Variants in B3GALT1 observed in about 807,000 individuals in gnomAD.
B3GALT1 encodes the protein beta-1,3-galactosyltransferase 1.
In B3GALT1, 10 loss-of-function variants were observed where a neutral mutation model predicts 23.2. The ratio of observed to expected loss-of-function variants is 0.43; its 90% confidence interval spans 0.27 to 0.73. The LOEUF is 0.73. B3GALT1 is among the 30% of genes least tolerant of loss of function. B3GALT1 has a pLI of 0.21. For missense variants in B3GALT1, 299 were observed against 405.4 expected (o/e 0.74, Z 2.25); for synonymous variants, 156 against 141.5 (o/e 1.10, Z -0.73).
intron 3 of B3GALT1, among the ~76,000 whole-genome samples, 121 bp downstream of exon 3, chr2:167,647,087 G>T (rs1033519770): frequency 2.6e-5 from 4 of 152,086 alleles, no homozygotes; most frequent in African/African-American, 9.7e-5. Context: ...GAAATCACCT[G>T]CAAGAAAAGC....
chr2:167,859,514 C>T (rs1690059066), intron 4 of B3GALT1, among the ~76,000 whole-genome samples: 1 of 152,160 alleles, frequency 6.6e-6, no homozygotes, highest in Non-Finnish European at 1.5e-5. Flanking sequence ...ACATCCTCAT[C>T]CCAACCACTC....
intron 2 of B3GALT1, among the ~76,000 whole-genome samples, chr2:167,643,974 A>G (rs968684509): frequency 3.9e-5 from 6 of 152,162 alleles, no homozygotes; most frequent in African/African-American, 1.2e-4. Context: ...GACAGTGTCA[A>G]TGTCTGTAAA....
At chr2:167,683,093 G>T (rs1281367015) in intron 3 of B3GALT1, among the ~76,000 whole-genome samples, 2 of 151,998 alleles carry the variant, frequency 1.3e-5, no homozygotes, top group African/African-American at 2.4e-5. Flanking sequence ...AAAAACAATG[G>T]GCTTGCTTTT....
intron 1 of B3GALT1, among the ~76,000 whole-genome samples, chr2:167,442,556 T>G (rs562724599): frequency 6.6e-6 from 1 of 151,878 alleles, no homozygotes; most frequent in South Asian, 2.1e-4. Flanking sequence ...TCCTGACTTT[T>G]GAATGATTGC....
chr2:167,693,223 A>G (rs911997254), intron 3 of B3GALT1, among the ~76,000 whole-genome samples: 7 of 152,032 alleles, frequency 4.6e-5, no homozygotes, highest in Non-Finnish European at 8.8e-5. Context: ...CTTTTTGAAG[A>G]GCCACACTTG....
In B3GALT1 at chr2:167,867,118, G is replaced by A. The variant is rs574851953; in HGVS notation, c.-229-1693G>A. 2.0e-5 allele frequency among the ~76,000 whole-genome samples: 3 copies of A among 152,172 alleles called. No individual in the cohort carries two copies. In the East Asian group the frequency reaches 5.8e-4, roughly 29 times the overall value. ...ATTTTTTGTATTTTTAGTAGAGACG[G>A]GGTTTCACCGTTTTAGCCAGGATGG... On this transcript the variant is annotated intron_variant, in intron 4 of 4. Coordinates refer to ENST00000392690, the MANE Select transcript of B3GALT1 (RefSeq NM_020981.4).
chr2:167,850,905 A>C (rs928937596), intron 4 of B3GALT1, among the ~76,000 whole-genome samples: 2 of 152,186 alleles, frequency 1.3e-5, no homozygotes, highest in Non-Finnish European at 2.9e-5. Context: ...AATCTCACAA[A>C]TCACCACTAA....
intron 3 of B3GALT1, among the ~76,000 whole-genome samples, chr2:167,731,037 G>A (rs777294571): frequency 2.0e-5 from 3 of 152,242 alleles, no homozygotes; most frequent in African/African-American, 7.2e-5. Context: ...AAGCTAGTAA[G>A]TGGTGCAGTA....
chr2:167,552,045 T>C (rs1269550632), intron 2 of B3GALT1, among the ~76,000 whole-genome samples: 1 of 152,214 alleles, frequency 6.6e-6, no homozygotes, highest in Non-Finnish European at 1.5e-5. Context: ...TTCTTAGAGC[T>C]TTATTCTCAT....
At chr2:167,306,541 A>C (rs1696554935) in intron 1 of B3GALT1, among the ~76,000 whole-genome samples, 1 of 152,012 alleles carries the variant, frequency 6.6e-6, no homozygotes, top group Non-Finnish European at 1.5e-5. Flanking sequence ...ACTGAATATT[A>C]GTCATGGTTT....
chr2:167,741,653 TC>T (rs1256833572), intron 3 of B3GALT1, among the ~76,000 whole-genome samples: 2 of 152,094 alleles, frequency 1.3e-5, no homozygotes, highest in Non-Finnish European at 2.9e-5. Context: ...TCCCTTCAGG[TC>T]CCCAGCCCTT....
chr2:167,598,536 A>T (rs1205799712), intron 2 of B3GALT1, among the ~76,000 whole-genome samples: 1 of 152,144 alleles, frequency 6.6e-6, no homozygotes, highest in Non-Finnish European at 1.5e-5. Context: ...ATCCCAGAAA[A>T]ACCTCAAAAG....
chr2:167,693,075 C>A (rs890752604), intron 3 of B3GALT1, among the ~76,000 whole-genome samples: 8 of 151,980 alleles, frequency 5.3e-5, no homozygotes, highest in Middle Eastern at 3.4e-3. Context: ...ATTGAATCTT[C>A]TGGGGCTCTC....
intron 3 of B3GALT1, among the ~76,000 whole-genome samples, chr2:167,749,068 C>T (rs572686868): frequency 6.6e-6 from 1 of 152,294 alleles, no homozygotes; most frequent in East Asian, 1.9e-4. Context: ...TTTTGTGAGG[C>T]TGGCCAAGGG....
chr2:167,443,712 G>A (rs188642475), intron 1 of B3GALT1, among the ~76,000 whole-genome samples: 256 of 152,278 alleles, frequency 1.7e-3, no homozygotes, highest in Middle Eastern at 3.4e-3. Context: ...TTTGCACATT[G>A]ATTTTGTATC....
intron 3 of B3GALT1, among the ~76,000 whole-genome samples, chr2:167,676,792 C>A (rs1459881109): frequency 1.3e-5 from 2 of 152,098 alleles, no homozygotes; most frequent in Admixed American, 1.3e-4. Flanking sequence ...CTGCCTAGGC[C>A]TGTGAAAGTG....
intron 1 of B3GALT1, among the ~76,000 whole-genome samples, chr2:167,483,784 A>G (rs1246842483): frequency 6.6e-6 from 1 of 152,212 alleles, no homozygotes; most frequent in Non-Finnish European, 1.5e-5. Flanking sequence ...TATGTTAAAT[A>G]TATGTTAAAT....
intron 3 of B3GALT1, among the ~76,000 whole-genome samples, chr2:167,731,748 C>T (rs956240874): frequency 6.6e-6 from 1 of 152,146 alleles, no homozygotes; most frequent in Non-Finnish European, 1.5e-5. Flanking sequence ...GCAAGGCAGC[C>T]TCTGTTTCCT....
intron 2 of B3GALT1, among the ~76,000 whole-genome samples, chr2:167,531,086 T>G (rs1448408273): frequency 6.6e-6 from 1 of 152,242 alleles, no homozygotes; most frequent in Non-Finnish European, 1.5e-5. Context: ...AAATACTGTT[T>G]CATTCTCCTA....
Sources: allele counts gnomAD v4.1 joint callset (sites outside exome capture counted in the v4.1 genomes callset), GRCh38; gene constraint gnomAD v4.1.1; transcripts MANE v1.5; gene names NCBI Gene and HGNC (gene_info 2026-07-23, HGNC 2026-07-21).